The following PAPPA2 variants were observed in gnomAD, a reference collection of about 807,000 sequenced individuals.
PAPPA2 encodes the protein pappalysin 2, also known as pappalysin-2.
Under a neutral mutation model 176.4 loss-of-function variants are expected in PAPPA2, and 86 were observed. The ratio of observed to expected loss-of-function variants is 0.49; its 90% CI spans 0.41 to 0.58. The LOEUF (loss-of-function observed/expected upper bound fraction) is 0.58, where lower values mean the gene tolerates loss of function less well. PAPPA2 is among the 20% of genes least tolerant of loss of function. The pLI is 0.00. For missense variants in PAPPA2, 2,073 were observed against 2,256.9 expected (o/e 0.92, Z 1.65); for synonymous variants, 809 against 852.2 (o/e 0.95, Z 0.88).
At chr1:176,712,570 T>C (rs1452836255) in intron 12 of PAPPA2, among the ~76,000 whole-genome samples, 2 of 152,248 alleles carry the variant, frequency 1.3e-5, no homozygotes, top group African/African-American at 4.8e-5. Context: ...TACACCACCA[T>C]ATATTTAACC....
chr1:176,741,569 G>T (rs557989037), intron 14 of PAPPA2, among the ~76,000 whole-genome samples: 8 of 152,216 alleles, frequency 5.3e-5, no homozygotes, highest in East Asian at 1.9e-4. Flanking sequence ...CTATTCATTA[G>T]AAATGAGTCA....
chr1:176,821,208 GTGTACACAA>G (rs570055292), intron 21 of PAPPA2, among the ~76,000 whole-genome samples: 127 of 152,258 alleles, frequency 8.3e-4, no homozygotes, highest in African/African-American at 2.8e-3. Context: ...TCCCATCACA[GTGTACACAA>G]TAGAGATAAA....
intron 12 of PAPPA2, among the ~76,000 whole-genome samples, chr1:176,714,059 G>A (rs891829947): frequency 6.6e-6 from 1 of 152,076 alleles, no homozygotes; most frequent in Admixed American, 6.6e-5. Context: ...GGGGCAGATA[G>A]CACACCACCC....
intron 2 of PAPPA2, among the ~76,000 whole-genome samples, chr1:176,582,223 G>C (rs1023148785): frequency 6.6e-6 from 1 of 152,018 alleles, no homozygotes; most frequent in African/African-American, 2.4e-5. Flanking sequence ...CACCGCGCCC[G>C]GCCTAGGTTT....
intron 3 of PAPPA2, among the ~76,000 whole-genome samples, chr1:176,646,640 T>C (rs1657414661): frequency 6.6e-6 from 1 of 151,254 alleles, no homozygotes; most frequent in South Asian, 2.1e-4. Context: ...TTAGCTACCA[T>C]AAATAAGTGA....
At chr1:176,523,607 C>G (rs1649320822) in intron 1 of PAPPA2, among the ~76,000 whole-genome samples, 1 of 152,146 alleles carries the variant, frequency 6.6e-6, no homozygotes, top group Non-Finnish European at 1.5e-5. Flanking sequence ...AGTGAGTGGT[C>G]TCTTTCATTT....
In PAPPA2 at chr1:176,594,740, AT is replaced by A. The variant is rs1285990652; in HGVS notation, c.1137del (p.Tyr379Ter). On this transcript the variant is annotated frameshift_variant, in exon 3 of 23. Coordinates refer to ENST00000367662, the MANE Select transcript of PAPPA2 (RefSeq NM_020318.3). LOFTEE classifies it high-confidence loss of function. ...ATYDGRHMAL[Y>X]VDGTQVASSL... Reference sequence around the variant, plus strand: ...TACGATGGACGGCACATGGCCCTGTATGTGGATGGCACTCAGGTGGCTAGCA... The same window carrying A: ...TACGATGGACGGCACATGGCCCTGTAGTGGATGGCACTCAGGTGGCTAGCA... The A allele has an allele frequency of 6.2e-7, 1 of 1,614,100 alleles. No individual in the cohort carries two copies. The highest frequency in any genetic ancestry group is 1.3e-5 in the African/African-American group (1 of 74,944).
At chr1:176,567,121 G>A (rs1419295563) in intron 2 of PAPPA2, among the ~76,000 whole-genome samples, 2 of 152,158 alleles carry the variant, frequency 1.3e-5, no homozygotes, top group African/African-American at 4.8e-5. Context: ...AAAAATAACA[G>A]CATCGTTTCT....
At chr1:176,637,259 T>C (rs1656756039) in intron 3 of PAPPA2, among the ~76,000 whole-genome samples, 1 of 152,128 alleles carries the variant, frequency 6.6e-6, no homozygotes, top group Non-Finnish European at 1.5e-5. Context: ...ACTAAGAGTT[T>C]TGGAACTAAT....
chr1:176,834,772 C>T (rs1188043152), intron 21 of PAPPA2, among the ~76,000 whole-genome samples: 2 of 152,126 alleles, frequency 1.3e-5, no homozygotes, highest in Non-Finnish European at 2.9e-5. Flanking sequence ...GAGTTCGAGA[C>T]CAGCCTGACC....
chr1:176,570,441 A>G (rs1652252709), intron 2 of PAPPA2, among the ~76,000 whole-genome samples: 1 of 152,234 alleles, frequency 6.6e-6, no homozygotes, highest in Non-Finnish European at 1.5e-5. Flanking sequence ...TATTTTTGAA[A>G]TTAACTCCAA....
intron 12 of PAPPA2, among the ~76,000 whole-genome samples, chr1:176,730,384 A>C (rs548759896): frequency 6.6e-6 from 1 of 151,912 alleles, no homozygotes; most frequent in Admixed American, 6.6e-5. Flanking sequence ...CCATATATGC[A>C]AATTTAGTGC....
At chr1:176,563,043 G>T (rs1651762857) in intron 2 of PAPPA2, among the ~76,000 whole-genome samples, 1 of 152,118 alleles carries the variant, frequency 6.6e-6, no homozygotes, top group South Asian at 2.1e-4. Flanking sequence ...TCTATCCACT[G>T]GTAATTCCTC....
At chr1:176,766,643 A>G (rs1663977284) in intron 15 of PAPPA2, among the ~76,000 whole-genome samples, 1 of 152,242 alleles carries the variant, frequency 6.6e-6, no homozygotes, top group African/African-American at 2.4e-5. Flanking sequence ...TCTATTTGTT[A>G]AATTGTCAGT....
chr1:176,797,282 C>A (rs543762858), intron 20 of PAPPA2, among the ~76,000 whole-genome samples: 1 of 152,066 alleles, frequency 6.6e-6, no homozygotes, highest in Non-Finnish European at 1.5e-5. Context: ...TAAAGTTAGG[C>A]AAAGGATATA....
chr1:176,693,967 C>T (rs1049093177), intron 6 of PAPPA2, among the ~76,000 whole-genome samples: 3 of 152,178 alleles, frequency 2.0e-5, no homozygotes, highest in Non-Finnish European at 2.9e-5. Context: ...GACATCAGTA[C>T]GGGCGTGCTG....
intron 1 of PAPPA2, among the ~76,000 whole-genome samples, chr1:176,503,398 A>G (rs1648074223): frequency 6.6e-6 from 1 of 152,134 alleles, no homozygotes; most frequent in Non-Finnish European, 1.5e-5. Context: ...TTACAATCTT[A>G]ATTCTCATGT....
At chr1:176,692,022 A>G in intron 5 of PAPPA2, 104 bp from the exon 6 acceptor site, 2 of 1,096,036 alleles carry the variant, frequency 1.8e-6, no homozygotes, top group Admixed American at 2.2e-5. Context: ...CATTGAGCCT[A>G]ATAAGTTAAC....
intron 12 of PAPPA2, among the ~76,000 whole-genome samples, chr1:176,722,696 G>A (rs929391962): frequency 1.3e-5 from 2 of 152,010 alleles, no homozygotes; most frequent in African/African-American, 2.4e-5. Context: ...CCTTCAATGT[G>A]TTCTTTTTTA....
Sources: gnomAD v4.1 joint callset for allele counts (sites outside exome capture counted in the v4.1 genomes callset) on GRCh38, gnomAD v4.1.1 for gene constraint, MANE v1.5 for transcripts, NCBI Gene and HGNC (gene_info 2026-07-23, HGNC 2026-07-21) for gene names.